The following SMURF1 variants were observed in gnomAD, a reference collection of about 807,000 sequenced individuals.
The protein encoded by SMURF1 is E3 ubiquitin-protein ligase SMURF1.
SMURF1 carries 44 observed loss-of-function variants against 98.0 expected under a neutral mutation model. That is an observed-to-expected ratio of 0.45 (90% CI 0.35 to 0.58). SMURF1 has a LOEUF of 0.58. Among genes scored for constraint, SMURF1 ranks in the 20% least tolerant of loss-of-function variants. SMURF1 has a pLI of 0.00. For missense variants in SMURF1, 687 were observed against 938.4 expected, an observed-to-expected ratio of 0.73 and a Z score of 3.50; for synonymous variants, 396 against 374.9, an observed-to-expected ratio of 1.06 and a Z score of -0.65.
chr7:99,095,761 A>G (rs138003857), intron 1 of SMURF1, among the ~76,000 whole-genome samples: 1 of 152,332 alleles, frequency 6.6e-6, no homozygotes, highest in East Asian at 1.9e-4. Context: ...GGGAGATGAG[A>G]ATTGCGCACT....
intron 8 of SMURF1, 143 bp downstream of exon 8, chr7:99,051,214 T>C (rs1175597594): frequency 1.2e-6 from 1 of 837,446 alleles, no homozygotes; most frequent in East Asian, 2.5e-5. Context: ...CCCCAGCTTA[T>C]CTGAAGGAAA....
At chr7:99,099,179 C>T (rs1170312843) in intron 1 of SMURF1, among the ~76,000 whole-genome samples, 1 of 150,354 alleles carries the variant, frequency 6.7e-6, no homozygotes, top group Non-Finnish European at 1.5e-5. Flanking sequence ...GGACTTTGCC[C>T]TGGAGGCAAT....
chr7:99,060,678 C>A lies in SMURF1; in HGVS notation c.124G>T (p.Val42Leu), dbSNP rs756177480. The A allele has an allele frequency of 1.9e-6, 3 of 1,613,512 alleles. No homozygotes were observed. The Admixed American group carries it at 5.0e-5, about 27-fold the overall frequency. ...RLPDPFAKIV[V>L]DGSGQCHSTD... ...GAGTGGCACTGCCCAGACCCATCCACGACAATCTTTGCAAAAGGGTCAGGG... is the reference window on the plus strand; with the variant it reads ...GAGTGGCACTGCCCAGACCCATCCAAGACAATCTTTGCAAAAGGGTCAGGG... The change falls in exon 3 of 18, where the codon GTG (valine) becomes TTG (leucine). Residue 42 changes from valine to leucine, a missense_variant. Physicochemically the swap from Val to Leu is conservative, Grantham distance 32. This residue lies in a region of SMURF1 where 415 missense variants were observed against 508.4 expected (regional missense o/e 0.82). Coordinates refer to ENST00000361368, the MANE Select transcript of SMURF1 (RefSeq NM_181349.3).
chr7:99,077,735 A>G (rs1796497469), intron 1 of SMURF1, among the ~76,000 whole-genome samples: 1 of 152,068 alleles, frequency 6.6e-6, no homozygotes, highest in South Asian at 2.1e-4. Context: ...CCATCAGGCA[A>G]CTCTAAAGGG....
intron 1 of SMURF1, among the ~76,000 whole-genome samples, chr7:99,104,073 G>C (rs1270862241): frequency 1.3e-5 from 2 of 152,050 alleles, no homozygotes; most frequent in East Asian, 1.9e-4. Flanking sequence ...TTTTAGTAGA[G>C]ATGGGGTTTC....
At chr7:99,084,095 T>A (rs1466388657) in intron 1 of SMURF1, among the ~76,000 whole-genome samples, 2 of 152,220 alleles carry the variant, frequency 1.3e-5, no homozygotes, top group Non-Finnish European at 2.9e-5. Flanking sequence ...ATTGAACCAC[T>A]CACTGTCCAG....
In SMURF1 at chr7:99,051,369, G is replaced by A. The variant is rs756106518; in HGVS notation, c.794C>T (p.Pro265Leu). ...TQTGVSTWHDPRIPRDLNSVN... is the reference protein window; with the variant it reads ...TQTGVSTWHDLRIPRDLNSVN... ...TCAGGAGGCTTACCTTGGTATCCTG[G>A]GGTCGTGCCACGTGCTAACTCCAGT... The change falls in exon 8 of 18, where the codon CCC becomes CTC. Residue 265 changes from proline to leucine, a missense_variant. By Grantham distance (98) the Pro-to-Leu change is moderately conservative (BLOSUM62 -3). This residue lies in a region of SMURF1 where 415 missense variants were observed against 508.4 expected (regional missense o/e 0.82). Coordinates refer to ENST00000361368, the MANE Select transcript of SMURF1 (RefSeq NM_181349.3). The A allele has an allele frequency of 6.2e-7, 1 of 1,613,992 alleles. No homozygotes were observed. Among genetic ancestry groups the A allele is most frequent in the Non-Finnish European group, 8.5e-7 (1 of 1,179,922 alleles).
chr7:99,122,745 C>CTTTTTTT (rs373204946), intron 1 of SMURF1, among the ~76,000 whole-genome samples: 1 of 112,428 alleles, frequency 8.9e-6, no homozygotes, highest in Non-Finnish European at 1.7e-5. Context: ...TTCTTTCTTT[C>CTTTTTTT]TTTTTTTTTT....
At chr7:99,032,435 G>A (rs781603234) in intron 17 of SMURF1, among the ~76,000 whole-genome samples, 16 of 152,238 alleles carry the variant, frequency 1.1e-4, no homozygotes, top group Non-Finnish European at 2.1e-4. Context: ...TTGGGAGGCC[G>A]AGGTGGGCAG....
intron 1 of SMURF1, among the ~76,000 whole-genome samples, chr7:99,069,452 G>C (rs543559997): frequency 6.6e-6 from 1 of 152,064 alleles, no homozygotes; most frequent in Admixed American, 6.6e-5. Flanking sequence ...TCGAACTCCT[G>C]GGCTCCAGTG....
chr7:99,045,680 A>T lies in SMURF1; in HGVS notation c.1256+18T>A. 6.3e-7 allele frequency: 1 copy of T among 1,595,644 alleles called. No homozygotes were observed. The highest frequency in any genetic ancestry group is 8.6e-7 in the Non-Finnish European group (1 of 1,163,108). On this transcript the variant is annotated intron_variant, in intron 11 of 17. Coordinates refer to ENST00000361368, the MANE Select transcript of SMURF1 (RefSeq NM_181349.3). The stretch of plus-strand genomic sequence containing the variant: ...TGAGATCCACACAGCAGAGAAGGTG[A>T]ATGAACAAGCAGCTCACCTGGCCAC...
chr7:99,035,821 C>G, intron 15 of SMURF1, 105 bp from the exon 16 acceptor site: 1 of 1,097,570 alleles, frequency 9.1e-7, no homozygotes, highest in South Asian at 1.5e-5. Flanking sequence ...GATTCCCAAG[C>G]AAAGCAGCAG....
chr7:99,117,982 A>C (rs1054357439), intron 1 of SMURF1, among the ~76,000 whole-genome samples: 1 of 152,180 alleles, frequency 6.6e-6, no homozygotes, highest in Non-Finnish European at 1.5e-5. Context: ...AATAGTGGAC[A>C]TTTCTCTAAG....
At chr7:99,083,134 T>G (rs1009212204) in intron 1 of SMURF1, among the ~76,000 whole-genome samples, 9 of 152,122 alleles carry the variant, frequency 5.9e-5, no homozygotes, top group African/African-American at 2.2e-4. Flanking sequence ...GTTCTATAAT[T>G]GATTGTGGTG....
intron 1 of SMURF1, among the ~76,000 whole-genome samples, chr7:99,135,116 C>T (rs570224736): frequency 1.8e-4 from 27 of 152,188 alleles, no homozygotes; most frequent in African/African-American, 4.3e-4. Flanking sequence ...AAAATACATT[C>T]GGCACAATCA....
rs186896004 is a variant in SMURF1 at position 99,094,391 on chromosome 7, T to C, written c.56-32554A>G. 3.8e-3 allele frequency among the ~76,000 whole-genome samples: 583 copies of C among 152,354 alleles called. 7 individuals are homozygous for C. The highest frequency in any genetic ancestry group is 3.6e-3 in the Non-Finnish European group (248 of 68,044). On this transcript the variant is annotated intron_variant, in intron 1 of 17. Coordinates refer to ENST00000361368, the MANE Select transcript of SMURF1 (RefSeq NM_181349.3). ...AAATAACTCCACAGGTAATTTTAAA[T>C]ATACAGCTCTGGCTAACTCAATACA...
chr7:99,114,324 G>T (rs1797393122), intron 1 of SMURF1, among the ~76,000 whole-genome samples: 1 of 152,046 alleles, frequency 6.6e-6, no homozygotes, highest in Admixed American at 6.6e-5. Flanking sequence ...GGATAGAAAA[G>T]GATAACCCAT....
At chr7:99,129,381 T>C (rs1797815488) in intron 1 of SMURF1, among the ~76,000 whole-genome samples, 2 of 152,164 alleles carry the variant, frequency 1.3e-5, no homozygotes, top group South Asian at 4.1e-4. Context: ...ATTCCAGTTA[T>C]TTCCCCATTT....
chr7:99,125,036 T>A (rs530358413), intron 1 of SMURF1, among the ~76,000 whole-genome samples: 6 of 150,572 alleles, frequency 4.0e-5, no homozygotes, highest in South Asian at 2.1e-4. Flanking sequence ...ACCTAGAGCA[T>A]AGTAGTTATT....
Sources: allele counts gnomAD v4.1 joint callset (sites outside exome capture counted in the v4.1 genomes callset), GRCh38; gene constraint gnomAD v4.1.1; regional missense constraint gnomAD v4.1.1; transcripts MANE v1.5; gene names NCBI Gene and HGNC (gene_info 2026-07-23, HGNC 2026-07-21).